Variants in INSC observed in about 807,000 individuals in gnomAD.
INSC encodes the protein INSC spindle orientation adaptor protein.
INSC carries 67 observed loss-of-function variants against 58.6 expected under a neutral mutation model. The ratio of observed to expected loss-of-function variants is 1.14; its 90% CI spans 0.94 to 1.40. The LOEUF (loss-of-function observed/expected upper bound fraction) is 1.40, where lower values mean the gene tolerates loss of function less well. Among genes scored for constraint, INSC ranks in the 40% most tolerant of loss-of-function variants. The pLI, the probability that INSC is intolerant of heterozygous loss-of-function variation, is 0.00. For synonymous variants in INSC, 262 were observed against 276.1 expected, an observed-to-expected ratio of 0.95 and a Z score of 0.51; for missense variants, 714 against 692.0, an observed-to-expected ratio of 1.03 and a Z score of -0.36.
chr11:15,117,203 T>A (rs7925489), intron 1 of INSC, among the ~76,000 whole-genome samples: 87,806 of 151,252 alleles, frequency 0.58, 25,648 homozygotes, highest in Admixed American at 0.6. Context: ...AGGCCTCCGA[T>A]ACTGCTGGGA....
chr11:15,170,271 T>G lies in INSC; in HGVS notation c.57-5470T>G, dbSNP rs1406287149. On this transcript the variant is annotated intron_variant, in intron 2 of 12. Transcript: ENST00000379556. ...CTGACTGTATTCAGATTTCACTAGTTTTTTTTTCATGAATATCCTTTCTCT... is the reference window on the plus strand; with the variant it reads ...CTGACTGTATTCAGATTTCACTAGTGTTTTTTTCATGAATATCCTTTCTCT... Among the ~76,000 whole-genome samples the G allele has an allele frequency of 4.6e-5, 7 of 152,216 alleles. No homozygotes were observed. In the East Asian group the frequency reaches 1.4e-3, roughly 29 times the overall value.
chr11:15,208,901 C>T (rs1222741687), intron 7 of INSC, among the ~76,000 whole-genome samples: 1 of 152,166 alleles, frequency 6.6e-6, no homozygotes, highest in Non-Finnish European at 1.5e-5. Context: ...CTCTGGGCTC[C>T]AGGACCAACA....
At chr11:15,238,837 C>T (rs911997700) in intron 10 of INSC, 82 bp from the exon 11 acceptor site, 90 of 1,454,652 alleles carry the variant, frequency 6.2e-5, no homozygotes, top group Admixed American at 4.2e-4. Context: ...TTGCTTGCAC[C>T]CTGCAGCCAT....
At chr11:15,159,570 T>C (rs1180590042) in intron 2 of INSC, among the ~76,000 whole-genome samples, 1 of 152,196 alleles carries the variant, frequency 6.6e-6, no homozygotes, top group Non-Finnish European at 1.5e-5. Flanking sequence ...TTAAAATTTT[T>C]ACCTGACAGT....
At chr11:15,117,315 T>G (rs1469572696) in intron 1 of INSC, among the ~76,000 whole-genome samples, 1 of 152,080 alleles carries the variant, frequency 6.6e-6, no homozygotes, top group Non-Finnish European at 1.5e-5. Flanking sequence ...ACTCCTCTAA[T>G]ATGCAGGAGA....
At chr11:15,183,162 A>T (rs972730169) in intron 5 of INSC, among the ~76,000 whole-genome samples, 5 of 152,154 alleles carry the variant, frequency 3.3e-5, no homozygotes, top group Middle Eastern at 3.4e-3. Context: ...AGCCTGACCA[A>T]CATAAAGAAA....
intron 1 of INSC, among the ~76,000 whole-genome samples, chr11:15,140,585 T>C (rs1848346733): frequency 6.8e-6 from 1 of 146,182 alleles, no homozygotes; most frequent in African/African-American, 2.5e-5. Flanking sequence ...TCTTTCTTCT[T>C]TTTTTTTTTT....
chr11:15,246,117 A>G lies in INSC; in HGVS notation c.*77A>G. The G allele has an allele frequency of 2.0e-6, 3 of 1,478,830 alleles. No homozygotes were observed. Among genetic ancestry groups the G allele is most frequent in the South Asian group, 2.5e-5 (2 of 79,428 alleles). The allele number at this position is 1,478,830 out of a possible 1,614,324, so 91.6% of individuals were successfully genotyped here. A position where few individuals can be genotyped will look rare whatever the true frequency, so the allele number is the denominator to read the frequency against. ...TGCACCAGTGAACACATCTGAGTACATACCAGCTCTCCTCATCTTCTTATT... is the reference window on the plus strand; with the variant it reads ...TGCACCAGTGAACACATCTGAGTACGTACCAGCTCTCCTCATCTTCTTATT... On this transcript the variant is annotated 3_prime_UTR_variant, in exon 13 of 13. Transcript: ENST00000379556.
At chr11:15,255,709 T>C in the INSC span, among the ~76,000 whole-genome samples, 1 of 147,552 alleles carries the variant, frequency 6.8e-6, no homozygotes, top group Non-Finnish European at 1.5e-5. Context: ...AGAGGCTATT[T>C]GTATGTATGT....
chr11:15,263,039 C>A, the INSC span, among the ~76,000 whole-genome samples: 1 of 151,918 alleles, frequency 6.6e-6, no homozygotes, highest in Admixed American at 6.6e-5. Flanking sequence ...AAAATAGAAA[C>A]AACGAAACTT....
chr11:15,178,570 C>G (rs1346527103), intron 5 of INSC, 123 bp downstream of exon 5: 1 of 1,190,584 alleles, frequency 8.4e-7, no homozygotes, highest in Non-Finnish European at 1.1e-6. Context: ...AAACATCTTA[C>G]TCAAACCACC....
chr11:15,176,156 A>G, intron 3 of INSC, 70 bp downstream of exon 3: 1 of 1,267,604 alleles, frequency 7.9e-7, no homozygotes, highest in Non-Finnish European at 1.1e-6. Context: ...GTGGGTTTGA[A>G]TCATGTGGTG....
intron 7 of INSC, among the ~76,000 whole-genome samples, chr11:15,209,712 G>C (rs1850945433): frequency 6.6e-6 from 1 of 152,142 alleles, no homozygotes; most frequent in South Asian, 2.1e-4. Flanking sequence ...GAAGATTTCT[G>C]GTTCGTTCTT....
At chr11:15,260,294 G>A in the INSC span, among the ~76,000 whole-genome samples, 3 of 152,108 alleles carry the variant, frequency 2.0e-5, no homozygotes, top group Non-Finnish European at 4.4e-5. Flanking sequence ...GCTATTGACT[G>A]GGTACCTGAA....
chr11:15,183,459 A>G (rs72864763), intron 5 of INSC, among the ~76,000 whole-genome samples: 3 of 134,482 alleles, frequency 2.2e-5, no homozygotes, highest in Non-Finnish European at 3.3e-5. Context: ...GTGTGTGTGT[A>G]TGTGTGTTGT....
intron 2 of INSC, among the ~76,000 whole-genome samples, chr11:15,151,821 C>T (rs577146403): frequency 6.6e-6 from 1 of 152,268 alleles, no homozygotes; most frequent in South Asian, 2.1e-4. Flanking sequence ...CCAGGGTCCA[C>T]ACAGGGCTGG....
At chr11:15,187,172 CA>C (rs1450117441) in intron 5 of INSC, among the ~76,000 whole-genome samples, 3 of 152,152 alleles carry the variant, frequency 2.0e-5, no homozygotes, top group African/African-American at 4.8e-5. Context: ...TCAGGGCTCC[CA>C]AAACAGTGTT....
chr11:15,206,693 GGAA>G (rs111740097), intron 7 of INSC, among the ~76,000 whole-genome samples: 95 of 152,260 alleles, frequency 6.2e-4, no homozygotes, highest in African/African-American at 2.1e-3. Context: ...CAGGGTTTGG[GGAA>G]GAATGAAGAG....
intron 6 of INSC, among the ~76,000 whole-genome samples, chr11:15,194,332 A>G (rs1185043163): frequency 6.6e-6 from 1 of 152,200 alleles, no homozygotes; most frequent in East Asian, 1.9e-4. Flanking sequence ...CCCTGGCAAC[A>G]GTGGTTCCCA....
Sources: gnomAD v4.1 joint callset for allele counts (sites outside exome capture counted in the v4.1 genomes callset) on GRCh38, gnomAD v4.1.1 for gene constraint, MANE v1.5 for transcripts, NCBI Gene and HGNC (gene_info 2026-07-23, HGNC 2026-07-21) for gene names.